The following CDH13 variants were observed in gnomAD, a reference collection of about 807,000 sequenced individuals.
The protein encoded by CDH13 is cadherin 13.
In CDH13, 24 loss-of-function variants were observed where a neutral mutation model predicts 63.8. The ratio of observed to expected loss-of-function variants is 0.38; its 90% CI spans 0.27 to 0.53. CDH13 has a LOEUF of 0.53. Among genes scored for constraint, CDH13 ranks in the 20% least tolerant of loss-of-function variants. CDH13 has a pLI of 0.85. For missense variants in CDH13, 1,049 were observed against 903.1 expected (o/e 1.16, Z -2.07); for synonymous variants, 503 against 355.3 (o/e 1.42, Z -4.67).
intron 11 of CDH13, among the ~76,000 whole-genome samples, chr16:83,759,342 TA>T (rs1217257300): frequency 6.6e-6 from 1 of 152,160 alleles, no homozygotes; most frequent in African/African-American, 2.4e-5. Flanking sequence ...TGAATAAACA[TA>T]TTTTTTAAAA....
chr16:83,274,442 T>C (rs1373382360), intron 5 of CDH13, among the ~76,000 whole-genome samples: 2 of 152,216 alleles, frequency 1.3e-5, no homozygotes, highest in Non-Finnish European at 2.9e-5. Flanking sequence ...CTAGAGACCC[T>C]CTGCCACAGG....
intron 2 of CDH13, among the ~76,000 whole-genome samples, chr16:82,894,167 C>T (rs1193780554): frequency 6.6e-6 from 1 of 152,176 alleles, no homozygotes; most frequent in Non-Finnish European, 1.5e-5. Context: ...GTTCTCCAGG[C>T]TGGTCTCGAA....
At chr16:83,065,014 C>G (rs1047118221) in intron 3 of CDH13, among the ~76,000 whole-genome samples, 3 of 152,136 alleles carry the variant, frequency 2.0e-5, no homozygotes, top group African/African-American at 4.8e-5. Flanking sequence ...AGTCCCTCCC[C>G]TGCACCCCCA....
intron 2 of CDH13, among the ~76,000 whole-genome samples, chr16:82,949,955 C>A (rs1457648151): frequency 1.3e-5 from 2 of 152,010 alleles, no homozygotes; most frequent in African/African-American, 4.8e-5. Flanking sequence ...TGTTAGATTT[C>A]TCTTGGTTGC....
chr16:82,745,266 C>T (rs1209050839), intron 1 of CDH13, among the ~76,000 whole-genome samples: 2 of 152,124 alleles, frequency 1.3e-5, no homozygotes, highest in Non-Finnish European at 2.9e-5. Context: ...GGAAGAAATC[C>T]AAGCTTCAGT....
rs1243270752 is a variant in CDH13 at position 82,751,259 on chromosome 16, C to T, written c.46-107103C>T. Among the ~76,000 whole-genome samples the T allele has an allele frequency of 2.6e-5, 4 of 152,272 alleles. No homozygotes were observed. The East Asian group carries it at 7.7e-4, about 29-fold the overall frequency. Reference sequence around the variant, plus strand: ...TAGGGCCCTGTGCTTAACAGGAGGGCCCATGCGTGCGAGTTAATGCTCTGT... The same window carrying T: ...TAGGGCCCTGTGCTTAACAGGAGGGTCCATGCGTGCGAGTTAATGCTCTGT... On this transcript the variant is annotated intron_variant, in intron 1 of 13. Transcript: ENST00000567109.
intron 2 of CDH13, among the ~76,000 whole-genome samples, chr16:83,019,947 G>C (rs1756101833): frequency 6.6e-6 from 1 of 151,528 alleles, no homozygotes; most frequent in Admixed American, 6.6e-5. Context: ...AATTTTATGT[G>C]CTTGACTTTT....
chr16:83,773,600 A>T (rs1454032059), intron 11 of CDH13, among the ~76,000 whole-genome samples: 1 of 152,160 alleles, frequency 6.6e-6, no homozygotes. Context: ...ATATGTGGGG[A>T]TTACAATTGG....
At position 83,111,150 on chromosome 16, in the gene CDH13, C is replaced by T. The variant is rs534846882; in HGVS notation, c.367-14235C>T. On this transcript the variant is annotated intron_variant, in intron 3 of 13. Coordinates refer to ENST00000567109, the MANE Select transcript of CDH13 (RefSeq NM_001257.5). ...TGACGCCACTGCACTCCAGCCTGGGCGACAGAGCGGGACTCCGTCTCAAAA... is the reference window on the plus strand; with the variant it reads ...TGACGCCACTGCACTCCAGCCTGGGTGACAGAGCGGGACTCCGTCTCAAAA... 2.0e-5 allele frequency among the ~76,000 whole-genome samples: 3 copies of T among 150,210 alleles called. No homozygotes were observed. The South Asian group carries it at 6.4e-4, about 32-fold the overall frequency.
At chr16:83,156,326 C>A (rs1435993890) in intron 4 of CDH13, among the ~76,000 whole-genome samples, 2 of 152,200 alleles carry the variant, frequency 1.3e-5, no homozygotes, top group Admixed American at 1.3e-4. Flanking sequence ...GATGATGATT[C>A]ACTCCATAGT....
chr16:82,892,188 C>G (rs1005019908), intron 2 of CDH13, among the ~76,000 whole-genome samples: 1 of 152,156 alleles, frequency 6.6e-6, no homozygotes, highest in African/African-American at 2.4e-5. Flanking sequence ...GTATCATTTC[C>G]TCCTAATGCT....
intron 7 of CDH13, among the ~76,000 whole-genome samples, chr16:83,496,946 C>G (rs1021234849): frequency 9.9e-5 from 15 of 152,280 alleles, no homozygotes; most frequent in African/African-American, 3.1e-4. Flanking sequence ...AAATGCAAAT[C>G]AAAACCACAA....
intron 3 of CDH13, among the ~76,000 whole-genome samples, chr16:83,056,742 C>G (rs945817277): frequency 1.3e-5 from 2 of 152,116 alleles, no homozygotes; most frequent in Non-Finnish European, 2.9e-5. Context: ...GATCCAGTGG[C>G]AGGTAATTGA....
chr16:82,787,765 T>G (rs140455647), intron 1 of CDH13, among the ~76,000 whole-genome samples: 1 of 145,924 alleles, frequency 6.9e-6, no homozygotes, highest in South Asian at 2.2e-4. Flanking sequence ...AATAACAATT[T>G]TGTTTGTTTT....
chr16:83,301,278 G>T (rs555388452), intron 5 of CDH13, among the ~76,000 whole-genome samples: 1 of 151,870 alleles, frequency 6.6e-6, no homozygotes, highest in Non-Finnish European at 1.5e-5. Context: ...TGATCCGCCC[G>T]CCTCAGCCTC....
intron 7 of CDH13, among the ~76,000 whole-genome samples, chr16:83,494,113 AC>A (rs1403458508): frequency 6.6e-6 from 1 of 152,204 alleles, no homozygotes; most frequent in Non-Finnish European, 1.5e-5. Context: ...TTTAGATTTA[AC>A]AAATGTTTAA....
At chr16:82,938,840 G>A (rs1232448332) in intron 2 of CDH13, among the ~76,000 whole-genome samples, 2 of 152,294 alleles carry the variant, frequency 1.3e-5, no homozygotes, top group Middle Eastern at 3.4e-3. Flanking sequence ...TCCATCCTGA[G>A]GAGGGAGGGA....
chr16:83,733,049 G>A (rs556674150), intron 10 of CDH13, among the ~76,000 whole-genome samples: 9 of 152,266 alleles, frequency 5.9e-5, no homozygotes, highest in East Asian at 1.9e-4. Flanking sequence ...GTGAAGATAC[G>A]CATCCCAAGG....
At chr16:82,650,756 C>G (rs1171202262) in intron 1 of CDH13, among the ~76,000 whole-genome samples, 4 of 152,208 alleles carry the variant, frequency 2.6e-5, no homozygotes, top group African/African-American at 9.7e-5. Context: ...CTCTCTGAGG[C>G]TGAGCCACTG....
Sources: allele counts gnomAD v4.1 joint callset (sites outside exome capture counted in the v4.1 genomes callset), GRCh38; gene constraint gnomAD v4.1.1; transcripts MANE v1.5; gene names NCBI Gene and HGNC (gene_info 2026-07-23, HGNC 2026-07-21).